Variants in SPIDR observed in about 807,000 individuals in gnomAD.
SPIDR encodes the protein DNA repair-scaffolding protein.
SPIDR carries 93 observed loss-of-function variants against 104.6 expected under a neutral mutation model. The observed-to-expected ratio is 0.89, with a 90% CI of 0.75 to 1.06. The LOEUF is 1.06. Among genes scored for constraint, SPIDR ranks in the 50% least tolerant of loss-of-function variants. The pLI is 0.00. For missense variants in SPIDR, 1,154 were observed against 1,111.2 expected, an observed-to-expected ratio of 1.04 and a Z score of -0.55; for synonymous variants, 431 against 416.9, an observed-to-expected ratio of 1.03 and a Z score of -0.41.
At chr8:47,489,651 G>C (rs2078324020) in intron 8 of SPIDR, among the ~76,000 whole-genome samples, 1 of 152,156 alleles carries the variant, frequency 6.6e-6, no homozygotes, top group Admixed American at 6.5e-5. Context: ...TACCAAAACA[G>C]AGATACAGAC....
At chr8:47,646,418 C>T (rs558346538) in intron 10 of SPIDR, among the ~76,000 whole-genome samples, 17 of 152,298 alleles carry the variant, frequency 1.1e-4, no homozygotes, top group Non-Finnish European at 2.2e-4. Context: ...ACTTCTACTT[C>T]TTGGAATTTA....
chr8:47,685,101 A>G (rs1245399688), intron 11 of SPIDR, among the ~76,000 whole-genome samples: 1 of 152,158 alleles, frequency 6.6e-6, no homozygotes, highest in Non-Finnish European at 1.5e-5. Flanking sequence ...AATCCCAGCT[A>G]TTTGGGAGGC....
At chr8:47,632,912 G>A (rs1179996479) in intron 10 of SPIDR, among the ~76,000 whole-genome samples, 2 of 152,206 alleles carry the variant, frequency 1.3e-5, no homozygotes, top group African/African-American at 2.4e-5. Flanking sequence ...TGCAGCGGAA[G>A]CTCCCAGGCT....
chr8:47,517,613 T>G (rs189906662), intron 8 of SPIDR, among the ~76,000 whole-genome samples: 12 of 152,358 alleles, frequency 7.9e-5, no homozygotes, highest in African/African-American at 2.9e-4. Context: ...CTATCCTGAT[T>G]GTAGTTTTCT....
chr8:47,471,034 G>A (rs1442070362), intron 8 of SPIDR, among the ~76,000 whole-genome samples: 2 of 152,052 alleles, frequency 1.3e-5, no homozygotes, highest in Middle Eastern at 3.2e-3. Flanking sequence ...ATGCCCGGCC[G>A]ACTGAAACTC....
chr8:47,441,933 C>A, intron 8 of SPIDR, among the ~76,000 whole-genome samples: 1 of 152,098 alleles, frequency 6.6e-6, no homozygotes, highest in East Asian at 1.9e-4. Flanking sequence ...TTTAATGCTG[C>A]CTTTATCATG....
chr8:47,676,700 G>A (rs2076494962), intron 11 of SPIDR, among the ~76,000 whole-genome samples: 1 of 152,124 alleles, frequency 6.6e-6, no homozygotes, highest in African/African-American at 2.4e-5. Flanking sequence ...TGTATGTTTG[G>A]GCTAAGTCAC....
intron 8 of SPIDR, among the ~76,000 whole-genome samples, chr8:47,465,737 A>G (rs1229070588): frequency 6.6e-6 from 1 of 152,148 alleles, no homozygotes; most frequent in East Asian, 1.9e-4. Flanking sequence ...CTCCATCAAA[A>G]AAAATACATA....
At position 47,342,726 on chromosome 8, in the gene SPIDR, G is replaced by C. The variant is rs542361929; in HGVS notation, c.525+48696G>C. Among the ~76,000 whole-genome samples, 420 of 152,150 alleles carry C rather than the reference G, an allele frequency of 2.8e-3. 1 individual carries two copies. The highest frequency in any genetic ancestry group is 9.9e-3 in the African/African-American group (410 of 41,490). On this transcript the variant is annotated intron_variant, in intron 5 of 19. Transcript: ENST00000297423. ...ATTATTTCCTTTCTTATCGACGCTG[G>C]TGTTTAAATATTTATGTACCTTTAG...
chr8:47,543,174 G>T (rs2088578543), intron 8 of SPIDR, among the ~76,000 whole-genome samples: 2 of 152,068 alleles, frequency 1.3e-5, no homozygotes, highest in African/African-American at 4.8e-5. Flanking sequence ...CACTTTTCTG[G>T]GATAAATACC....
At chr8:47,496,454 TTA>T (rs1447949610) in intron 8 of SPIDR, among the ~76,000 whole-genome samples, 1 of 152,198 alleles carries the variant, frequency 6.6e-6, no homozygotes, top group Non-Finnish European at 1.5e-5. Context: ...ATTTAGATGA[TTA>T]TGTCACTTTT....
intron 5 of SPIDR, among the ~76,000 whole-genome samples, chr8:47,321,597 T>G (rs1037268862): frequency 6.6e-6 from 1 of 152,072 alleles, no homozygotes; most frequent in Non-Finnish European, 1.5e-5. Context: ...AAAACTACTT[T>G]AAAGTTCATA....
chr8:47,699,441 G>A (rs1469346907), intron 11 of SPIDR, among the ~76,000 whole-genome samples: 4 of 152,182 alleles, frequency 2.6e-5, no homozygotes, highest in Non-Finnish European at 2.9e-5. Context: ...TTAACAAGGG[G>A]CTCAGGTAAA....
intron 8 of SPIDR, among the ~76,000 whole-genome samples, chr8:47,471,942 C>T (rs1586287096): frequency 6.6e-6 from 1 of 152,298 alleles, no homozygotes; most frequent in East Asian, 1.9e-4. Context: ...TGTGAGCTCA[C>T]AAGTTTCCAA....
At chr8:47,641,060 G>C (rs868134464) in intron 10 of SPIDR, among the ~76,000 whole-genome samples, 4 of 151,264 alleles carry the variant, frequency 2.6e-5, no homozygotes, top group Admixed American at 2.6e-4. Flanking sequence ...CTGAAAAAGG[G>C]TATGCATATT....
At chr8:47,339,704 G>T (rs1385326408) in intron 5 of SPIDR, among the ~76,000 whole-genome samples, 1 of 147,946 alleles carries the variant, frequency 6.8e-6, no homozygotes, top group African/African-American at 2.5e-5. Flanking sequence ...TTTTGAGGTG[G>T]AGTCTCGCAC....
At chr8:47,689,128 A>T (rs1452646277) in intron 11 of SPIDR, among the ~76,000 whole-genome samples, 3 of 152,204 alleles carry the variant, frequency 2.0e-5, no homozygotes, top group African/African-American at 7.2e-5. Flanking sequence ...CGGCAGAAGT[A>T]CCAATTTTTG....
At chr8:47,691,837 A>T (rs1211222677) in intron 11 of SPIDR, among the ~76,000 whole-genome samples, 3 of 152,190 alleles carry the variant, frequency 2.0e-5, no homozygotes, top group Non-Finnish European at 4.4e-5. Flanking sequence ...TGACTTAGGA[A>T]AAGGAAGCGC....
At chr8:47,583,584 C>A (rs2059967121) in intron 8 of SPIDR, among the ~76,000 whole-genome samples, 1 of 152,078 alleles carries the variant, frequency 6.6e-6, no homozygotes, top group South Asian at 2.1e-4. Context: ...TTGATTGCAG[C>A]ATAAAAAGAA....
Sources: allele counts gnomAD v4.1 joint callset (sites outside exome capture counted in the v4.1 genomes callset), GRCh38; gene constraint gnomAD v4.1.1; transcripts MANE v1.5; gene names NCBI Gene and HGNC (gene_info 2026-07-23, HGNC 2026-07-21).